Variants in ZNF143 observed in about 807,000 individuals in gnomAD.
ZNF143 encodes the protein zinc finger protein 143.
ZNF143 carries 49 observed loss-of-function variants against 74.1 expected under a neutral mutation model. That is an observed-to-expected ratio of 0.66 (90% CI 0.53 to 0.84). The LOEUF is 0.84. Among genes scored for constraint, ZNF143 ranks in the 40% least tolerant of loss-of-function variants. The pLI is 0.00. For missense variants in ZNF143, 637 were observed against 793.4 expected (o/e 0.80, Z 2.37); for synonymous variants, 304 against 282.8 (o/e 1.07, Z -0.75).
intron 12 of ZNF143, among the ~76,000 whole-genome samples, chr11:9,511,750 C>CTTTT (rs1254769544): frequency 7.5e-5 from 9 of 120,180 alleles, no homozygotes; most frequent in Non-Finnish European, 8.9e-5. Flanking sequence ...CCTTTAACAG[C>CTTTT]TTTTTTTTTT....
rs1847538526 is a variant in ZNF143, at chr11:9,486,432, TA to T, written c.645+6887del. 1.1e-4 allele frequency among the ~76,000 whole-genome samples: 5 copies of T among 46,468 alleles called. 1 individual carries two copies. Among genetic ancestry groups the T allele is most frequent in the Non-Finnish European group, 2.2e-4 (5 of 23,032 alleles). The allele number at this position is 46,468 out of a possible 152,430, so 30.5% of individuals were successfully genotyped here. A position where few individuals can be genotyped will look rare whatever the true frequency, so the allele number is the denominator to read the frequency against. On this transcript the variant is annotated intron_variant, in intron 7 of 15. Coordinates refer to ENST00000396602, the MANE Select transcript of ZNF143 (RefSeq NM_003442.6). Reference sequence around the variant, plus strand: ...TATATAATATATATTATATATATTATATATATAATATATTATATATATTATA... The same window carrying T: ...TATATAATATATATTATATATATTATTATATAATATATTATATATATTATA...
intron 7 of ZNF143, among the ~76,000 whole-genome samples, chr11:9,482,122 C>A (rs1847265309): frequency 6.8e-6 from 1 of 147,710 alleles, no homozygotes. Flanking sequence ...AGGCGCCCGC[C>A]ACCACGCCCG....
intron 2 of ZNF143, 23 bp downstream of exon 2, chr11:9,471,443 A>G (rs1172609087): frequency 1.3e-6 from 2 of 1,509,376 alleles, no homozygotes; most frequent in Non-Finnish European, 1.8e-6. Context: ...GTTTGAAGGG[A>G]TGCGTTTGAA....
chr11:9,467,036 G>A (rs1270454530), intron 1 of ZNF143, among the ~76,000 whole-genome samples: 2 of 151,306 alleles, frequency 1.3e-5, no homozygotes, highest in Non-Finnish European at 2.9e-5. Context: ...TGGGACTACA[G>A]GTGCATGCCA....
chr11:9,485,382 A>T (rs1047501935), intron 7 of ZNF143, among the ~76,000 whole-genome samples: 1 of 106,236 alleles, frequency 9.4e-6, no homozygotes, highest in Non-Finnish European at 1.7e-5. Context: ...AAGTCTCGCT[A>T]TGTCACCCAG....
At chr11:9,526,069 A>G (rs1849115878) in intron 15 of ZNF143, among the ~76,000 whole-genome samples, 1 of 152,136 alleles carries the variant, frequency 6.6e-6, no homozygotes, top group South Asian at 2.1e-4. Context: ...ACTTGTACCC[A>G]GGAGATTTGA....
At chr11:9,480,387 C>G (rs1847186863) in intron 7 of ZNF143, among the ~76,000 whole-genome samples, 1 of 151,850 alleles carries the variant, frequency 6.6e-6, no homozygotes, top group Non-Finnish European at 1.5e-5. Flanking sequence ...GTTGACTGTT[C>G]CTTTATAGTA....
In ZNF143 at chr11:9,490,443, C is replaced by G. The variant is rs559340337; in HGVS notation, c.646-4203C>G. Among the ~76,000 whole-genome samples, 3 of 151,496 alleles carry G rather than the reference C, an allele frequency of 2.0e-5. No homozygotes were observed. The South Asian group carries it at 6.3e-4, about 32-fold the overall frequency. The stretch of plus-strand genomic sequence containing the variant: ...GGATGACAGGCACGTACCACCATGC[C>G]CAGCTAATTTTTATATTTTTTTTGT... On this transcript the variant is annotated intron_variant, in intron 7 of 15. Transcript: ENST00000396602.
chr11:9,516,245 C>A lies in ZNF143; in HGVS notation c.1569C>A (p.Ile523=). The A allele has an allele frequency of 6.2e-7, 1 of 1,614,062 alleles. No individual in the cohort carries two copies. The highest frequency in any genetic ancestry group is 8.5e-7 in the Non-Finnish European group (1 of 1,179,926). ...QADMQAIGNT[I]TMVTQDGTPI... is the part of the protein sequence containing the mutation. ...ACATGCAGGCCATTGGCAACACCAT[C>A]ACAATGGTAACGCAGGATGGCACGC... The change falls in exon 14 of 16, where the codon ATC becomes ATA. Residue 523 remains isoleucine, a synonymous_variant. Transcript: ENST00000396602.
At chr11:9,508,551 G>C in intron 11 of ZNF143, 68 bp from the exon 12 acceptor site, 3 of 1,460,210 alleles carry the variant, frequency 2.1e-6, no homozygotes, top group South Asian at 1.2e-5. Context: ...TACCCCCTGG[G>C]GGGGAAGTAT....
chr11:9,508,551 G>A lies in ZNF143; in HGVS notation c.1148-68G>A, dbSNP rs1283610091. On this transcript the variant is annotated intron_variant, in intron 11 of 15. Coordinates refer to ENST00000396602, the MANE Select transcript of ZNF143 (RefSeq NM_003442.6). ...TTTTTAGAGGTATTTTACCCCCTGG[G>A]GGGGAAGTATGGAATGATTTTGCCT... 40 of 1,460,092 alleles carry A rather than the reference G, an allele frequency of 2.7e-5. No homozygotes were observed. In the South Asian group the frequency reaches 3.9e-4, roughly 14 times the overall value. The allele number at this position is 1,460,092 out of a possible 1,614,324, so 90.4% of individuals were successfully genotyped here. A position where few individuals can be genotyped will look rare whatever the true frequency, so the allele number is the denominator to read the frequency against.
chr11:9,486,377 T>TATAATATATATAATATATTA (rs1491241348), intron 7 of ZNF143, among the ~76,000 whole-genome samples: 1 of 37,146 alleles, frequency 2.7e-5, no homozygotes, highest in Non-Finnish European at 4.9e-5. Context: ...ATATAATATA[T>TATAATATATATAATATATTA]TATATATATA....
At chr11:9,474,929 C>T (rs1396903569) in intron 5 of ZNF143, among the ~76,000 whole-genome samples, 2 of 152,208 alleles carry the variant, frequency 1.3e-5, no homozygotes, top group Non-Finnish European at 2.9e-5. Flanking sequence ...CACTCTGTTG[C>T]CAGGCTGGAT....
intron 14 of ZNF143, among the ~76,000 whole-genome samples, chr11:9,518,115 C>T (rs1212618365): frequency 1.3e-5 from 2 of 152,118 alleles, no homozygotes; most frequent in Admixed American, 6.6e-5. Flanking sequence ...CAAATCATTC[C>T]GTTGCTCATT....
intron 7 of ZNF143, among the ~76,000 whole-genome samples, chr11:9,487,234 T>A (rs1377643633): frequency 6.6e-6 from 1 of 151,530 alleles, no homozygotes; most frequent in Non-Finnish European, 1.5e-5. Flanking sequence ...CCCAAAGTGC[T>A]GAGATTACAG....
At chr11:9,504,061 G>A (rs923230566) in intron 11 of ZNF143, among the ~76,000 whole-genome samples, 6 of 138,080 alleles carry the variant, frequency 4.3e-5, no homozygotes, top group African/African-American at 8.2e-5. Context: ...CCACGTTCAA[G>A]CAATTCTTCT....
rs1847956817 is a variant in ZNF143 at position 9,496,361 on chromosome 11, G to A, written c.824G>A (p.Gly275Glu). Reference protein sequence around the residue: ...RPYQCEHAGCGKAFATGYGLK... With the variant: ...RPYQCEHAGCEKAFATGYGLK... Reference sequence around the variant, plus strand: ...TATCAGTGTGAGCATGCAGGCTGTGGGAAGGCATTTGCAACAGGTAAAAGT... The same window carrying A: ...TATCAGTGTGAGCATGCAGGCTGTGAGAAGGCATTTGCAACAGGTAAAAGT... The change falls in exon 9 of 16, where the codon GGG becomes GAG. Residue 275 changes from glycine (G) to glutamate (E), a missense_variant. Gly to Glu is a moderately conservative substitution (Grantham distance 98, BLOSUM62 -2). Around this residue, in one of 2 missense-constraint regions of ZNF143, gnomAD observed 344 missense variants for 485.6 expected, o/e 0.71. Transcript: ENST00000396602. 6.2e-7 allele frequency: 1 copy of A among 1,613,960 alleles called. No individual in the cohort carries two copies. The highest frequency in any genetic ancestry group is 1.1e-5 in the South Asian group (1 of 91,076).
intron 1 of ZNF143, 50 bp from the exon 2 acceptor site, chr11:9,471,252 A>C: frequency 7.0e-7 from 1 of 1,437,060 alleles, no homozygotes; most frequent in Admixed American, 2.1e-5. Context: ...TGTAACTTTC[A>C]TTTCACATGT....
intron 1 of ZNF143, among the ~76,000 whole-genome samples, chr11:9,464,676 C>T (rs1000422784): frequency 6.6e-6 from 1 of 152,076 alleles, no homozygotes; most frequent in Non-Finnish European, 1.5e-5. Context: ...AATCCCAGCA[C>T]TTTGGGAGGC....
Sources: allele counts gnomAD v4.1 joint callset (sites outside exome capture counted in the v4.1 genomes callset), GRCh38; gene constraint gnomAD v4.1.1; regional missense constraint gnomAD v4.1.1; transcripts MANE v1.5; gene names NCBI Gene and HGNC (gene_info 2026-07-23, HGNC 2026-07-21).